Variants in PIGG observed in about 807,000 individuals in gnomAD.
The protein encoded by PIGG is GPI ethanolamine phosphate transferase 2, catalytic subunit.
Under a neutral mutation model 83.2 loss-of-function variants are expected in PIGG, and 70 were observed. The ratio of observed to expected loss-of-function variants is 0.84; its 90% CI spans 0.69 to 1.03. The LOEUF is 1.03. Ranked by LOEUF, PIGG falls within the 50% of genes least tolerant of loss-of-function variation. The pLI is 0.00. For synonymous variants in PIGG, 532 were observed against 519.5 expected (o/e 1.02, Z -0.33); for missense variants, 1,257 against 1,233.6 (o/e 1.02, Z -0.28).
In PIGG at chr4:523,705, G is replaced by T; in HGVS notation, c.1861G>T (p.Ala621Ser). ...VEQGHDGATA[A>S]WQDGPGCDVL... ...ACAAGGGCATGACGGGGCCACAGCAGCGTGGCAGGACGGGCCTGGCTGTGA... is the reference window on the plus strand; with the variant it reads ...ACAAGGGCATGACGGGGCCACAGCATCGTGGCAGGACGGGCCTGGCTGTGA... The change falls in exon 9 of 13, where the codon GCG becomes TCG. Residue 621 changes from alanine to serine, a missense_variant. Transcript: ENST00000453061. The T allele has an allele frequency of 2.5e-6, 4 of 1,614,214 alleles. No individual in the cohort carries two copies.
At chr4:532,347 G>A (rs1431992103) in intron 11 of PIGG, 2 of 152,320 alleles carry the variant, frequency 1.3e-5, no homozygotes, top group African/African-American at 4.8e-5. Flanking sequence ...CAGAGCCACA[G>A]TGACCTCCTA....
intron 5 of PIGG, among the ~76,000 whole-genome samples, chr4:514,480 G>A (rs1372323285): frequency 1.3e-5 from 2 of 152,124 alleles, no homozygotes; most frequent in African/African-American, 2.4e-5. Flanking sequence ...CAGTTTACTC[G>A]TGCACATTTC....
At chr4:508,364 C>G (rs1720594164) in intron 4 of PIGG, among the ~76,000 whole-genome samples, 1 of 152,378 alleles carries the variant, frequency 6.6e-6, no homozygotes, top group Admixed American at 6.5e-5. Context: ...TGTCCCGGAG[C>G]AGCAAAGGAT....
chr4:509,593 G>A (rs1283946869), intron 5 of PIGG, among the ~76,000 whole-genome samples: 1 of 152,250 alleles, frequency 6.6e-6, no homozygotes, highest in African/African-American at 2.4e-5. Context: ...TCTGCCGTCA[G>A]GCACAGCAGA....
At chr4:501,598 C>G (rs1479494251) in intron 2 of PIGG, 2 of 156,290 alleles carry the variant, frequency 1.3e-5, no homozygotes, top group African/African-American at 2.4e-5. Flanking sequence ...TGGGGGCAGC[C>G]CCATTTGCAG....
chr4:536,612 G>A (rs1407935360), intron 12 of PIGG: 1 of 152,240 alleles, frequency 6.6e-6, no homozygotes, highest in African/African-American at 2.4e-5. Flanking sequence ...AGCTGCCCTG[G>A]GACGTCTTTC....
In PIGG at chr4:530,380, T is replaced by G. The variant is rs77881439; in HGVS notation, c.2262-56T>G. On this transcript the variant is annotated intron_variant, in intron 10 of 12. Coordinates refer to ENST00000453061, the MANE Select transcript of PIGG (RefSeq NM_001127178.3). ...TAGGTGTGTTTTTCATGGGAAAATG[T>G]TTTTGAATTTTTCTCACTGGTGCTA... The G allele has an allele frequency of 3.2e-4, 407 of 1,271,170 alleles. 1 individual carries two copies. The African/African-American group carries it at 5.6e-3, about 17-fold the overall frequency. The allele number at this position is 1,271,170 out of a possible 1,614,324, so 78.7% of individuals were successfully genotyped here. A position where few individuals can be genotyped will look rare whatever the true frequency, so the allele number is the denominator to read the frequency against.
rs114633303 is a variant in PIGG, at chr4:527,193, C to T, written c.2224C>T (p.Arg742Trp). The change falls in exon 10 of 13, where the codon CGG (arginine) becomes TGG (tryptophan). Residue 742 changes from arginine (R) to tryptophan (W), a missense_variant. Physicochemically the swap from Arg to Trp is moderately radical, Grantham distance 101. Coordinates refer to ENST00000453061, the MANE Select transcript of PIGG (RefSeq NM_001127178.3). ...YCYRAAIGSVRFPWRPDSKDI... is the reference protein window; with the variant it reads ...YCYRAAIGSVWFPWRPDSKDI... ...CTACCGGGCGGCCATCGGGAGTGTC[C>T]GGTTCCCGTGGCGGCCGGACAGCAA... 33 of 1,606,904 alleles carry T rather than the reference C, an allele frequency of 2.1e-5. No individual in the cohort carries two copies. In the African/African-American group the frequency reaches 2.5e-4, roughly 12 times the overall value.
chr4:534,964 C>T (rs1256631341), intron 12 of PIGG, among the ~76,000 whole-genome samples: 2 of 152,248 alleles, frequency 1.3e-5, no homozygotes. Context: ...AAGGGTGCAG[C>T]TCCCCATCCA....
chr4:518,331 C>T lies in PIGG; in HGVS notation c.1114+2146C>T, dbSNP rs150861333. ...AAAATTGGCCAGGTGTGGTGGCTCA[C>T]GCCTGTCATCCCAGCACTTTGGGAG... On this transcript the variant is annotated intron_variant, in intron 6 of 12. Transcript: ENST00000453061. Among the ~76,000 whole-genome samples the T allele has an allele frequency of 4.6e-5, 7 of 152,332 alleles. No homozygotes were observed. In the East Asian group the frequency reaches 1.2e-3, roughly 25 times the overall value.
chr4:503,269 T>G (rs1210046150), intron 2 of PIGG, among the ~76,000 whole-genome samples: 2 of 152,172 alleles, frequency 1.3e-5, no homozygotes, highest in East Asian at 3.8e-4. Flanking sequence ...CCTAGCACCT[T>G]TTCTTGGCCC....
Position 499,384 on chromosome 4 carries a change from G to C in PIGG, c.49G>C (p.Val17Leu), listed in dbSNP as rs1157829023. ...TFATCCVAIE[V>L]LGIAVFLRGF... ...CGCTACCTGTTGCGTAGCGATCGAG[G>C]TGCTAGGGATCGCGGTCTTCCTTCG... is the stretch of plus-strand genomic sequence containing the variant. The change falls in exon 1 of 13, where the codon GTG becomes CTG. Residue 17 changes from valine to leucine, a missense_variant. Physicochemically the swap from Val to Leu is conservative, Grantham distance 32. Coordinates refer to ENST00000453061, the MANE Select transcript of PIGG (RefSeq NM_001127178.3). 6.2e-7 allele frequency: 1 copy of C among 1,610,234 alleles called. No homozygotes were observed. The highest frequency in any genetic ancestry group is 1.3e-5 in the African/African-American group (1 of 75,056).
intron 9 of PIGG, 183 bp from the exon 10 acceptor site, chr4:526,856 C>T: frequency 1.4e-6 from 1 of 716,356 alleles, no homozygotes; most frequent in Admixed American, 2.6e-5. Flanking sequence ...CTGAGGTTGA[C>T]CATCTTTTAT....
chr4:519,880 G>A (rs1248710196), intron 6 of PIGG, among the ~76,000 whole-genome samples: 1 of 105,250 alleles, frequency 9.5e-6, no homozygotes, highest in Non-Finnish European at 2.0e-5. Flanking sequence ...GCAGGCGTGT[G>A]GGTTCACGCT....
chr4:500,600 A>G lies in PIGG; in HGVS notation c.359A>G (p.Lys120Arg). ...KPPTVTMPRI[K>R]ALMTGSLPGF... ...CCTACAGTTACTATGCCTCGAATCA[A>G]GGTAAGTTTGCCTTAATGTTTTATG... Residue 120 changes from lysine to arginine, a missense_variant and splice_region_variant, in exon 2 of 13, where the codon AAG (lysine) becomes AGG (arginine). Lys to Arg is a conservative substitution (Grantham distance 26, BLOSUM62 2). Coordinates refer to ENST00000453061, the MANE Select transcript of PIGG (RefSeq NM_001127178.3). The G allele has an allele frequency of 1.9e-6, 3 of 1,588,102 alleles. No homozygotes were observed. The highest frequency in any genetic ancestry group is 1.7e-4 in the Middle Eastern group (1 of 5,956).
chr4:509,373 G>A (rs1721059201), intron 5 of PIGG, among the ~76,000 whole-genome samples: 1 of 152,202 alleles, frequency 6.6e-6, no homozygotes, highest in Non-Finnish European at 1.5e-5. Flanking sequence ...GGCCAGAGCA[G>A]GACAGACAGA....
intron 3 of PIGG, among the ~76,000 whole-genome samples, chr4:506,451 G>A (rs908336608): frequency 6.6e-6 from 1 of 152,220 alleles, no homozygotes; most frequent in Non-Finnish European, 1.5e-5. Flanking sequence ...ACCTGGGGCT[G>A]AGGTAGGAGC....
rs767057575 is a variant in PIGG at position 530,701 on chromosome 4, A to T, written c.2527A>T (p.Thr843Ser). Residue 843 changes from threonine (T) to serine (S), a missense_variant, in exon 11 of 13, where the codon ACT becomes TCT. Coordinates refer to ENST00000453061, the MANE Select transcript of PIGG (RefSeq NM_001127178.3). The part of the protein sequence containing the change: ...KPLRHDAAEI[T>S]VMHYWFGQAF... ...CCTGAGACACGATGCAGCTGAGATT[A>T]CTGTGATGCATTATTGGTTTGGTCA... The T allele has an allele frequency of 1.1e-5, 17 of 1,613,620 alleles. No individual in the cohort carries two copies. The East Asian group carries it at 3.8e-4, about 36-fold the overall frequency.
intron 12 of PIGG, 93 bp from the exon 13 acceptor site, chr4:539,060 G>T: frequency 1.3e-6 from 1 of 782,772 alleles, no homozygotes; most frequent in East Asian, 2.5e-5. Flanking sequence ...CCAAGGGCAA[G>T]AGCTACTGGA....
Sources: allele counts gnomAD v4.1 joint callset (sites outside exome capture counted in the v4.1 genomes callset), GRCh38; gene constraint gnomAD v4.1.1; transcripts MANE v1.5; gene names NCBI Gene and HGNC (gene_info 2026-07-23, HGNC 2026-07-21).